The following PICALM variants were observed in gnomAD, a reference collection of about 807,000 sequenced individuals.
PICALM encodes the protein phosphatidylinositol binding clathrin assembly protein.
Under a neutral mutation model 80.5 loss-of-function variants are expected in PICALM, and 40 were observed. The ratio of observed to expected loss-of-function variants is 0.50; its 90% CI spans 0.39 to 0.65. The LOEUF (loss-of-function observed/expected upper bound fraction) is 0.65. PICALM is among the 30% of genes least tolerant of loss of function. The pLI, the probability that PICALM is intolerant of heterozygous loss-of-function variation, is 0.00. For synonymous variants in PICALM, 288 were observed against 260.3 expected (o/e 1.11, Z -1.02); for missense variants, 676 against 778.9 (o/e 0.87, Z 1.57).
At chr11:86,065,380 T>G (rs932600624) in intron 1 of PICALM, among the ~76,000 whole-genome samples, 3 of 151,918 alleles carry the variant, frequency 2.0e-5, no homozygotes, top group Non-Finnish European at 4.4e-5. Flanking sequence ...GAGGCAGAGG[T>G]TGCAGTGAGC....
At chr11:85,969,045 G>T (rs1040202027) in intron 19 of PICALM, among the ~76,000 whole-genome samples, 3 of 150,988 alleles carry the variant, frequency 2.0e-5, no homozygotes, top group African/African-American at 7.3e-5. Context: ...AAGCTACAGC[G>T]CAGTCTACTG....
chr11:86,029,198 C>T (rs565797642), intron 2 of PICALM, among the ~76,000 whole-genome samples: 2 of 152,076 alleles, frequency 1.3e-5, no homozygotes, highest in East Asian at 3.9e-4. Flanking sequence ...TACTATATAC[C>T]AGCAGCATCC....
chr11:85,989,912 T>G (rs1162858114), intron 13 of PICALM, among the ~76,000 whole-genome samples: 1 of 151,470 alleles, frequency 6.6e-6, no homozygotes, highest in Non-Finnish European at 1.5e-5. Flanking sequence ...TTAAGTGATG[T>G]TACTTTTCAA....
At position 85,974,590 on chromosome 11, in the gene PICALM, C is replaced by T. The variant is rs956207646; in HGVS notation, c.1944+118G>A. On this transcript the variant is annotated intron_variant, in intron 19 of 19. Transcript: ENST00000393346. ...AAGAAAGATATGAAGCAAGCAATATCCATAATGAAGGTAGAAAGTGCTAGT... is the reference window on the plus strand; with the variant it reads ...AAGAAAGATATGAAGCAAGCAATATTCATAATGAAGGTAGAAAGTGCTAGT... 2.3e-5 allele frequency: 17 copies of T among 752,048 alleles called. 1 individual carries two copies. In the East Asian group the frequency reaches 4.2e-4, roughly 19 times the overall value. 46.6% of individuals were successfully genotyped at this position (752,048 alleles called of 1,614,324 possible).
intron 2 of PICALM, among the ~76,000 whole-genome samples, chr11:86,028,209 A>C (rs1224113325): frequency 6.6e-6 from 1 of 152,302 alleles, no homozygotes; most frequent in African/African-American, 2.4e-5. Flanking sequence ...ATGGTATTAA[A>C]TTGAGCACCA....
At chr11:86,004,260 T>C (rs1336498218) in intron 8 of PICALM, among the ~76,000 whole-genome samples, 1 of 152,178 alleles carries the variant, frequency 6.6e-6, no homozygotes, top group Non-Finnish European at 1.5e-5. Flanking sequence ...TAATGGTATA[T>C]TCAACAACAT....
chr11:85,992,393 T>C (rs1443291716), intron 12 of PICALM, among the ~76,000 whole-genome samples: 1 of 151,890 alleles, frequency 6.6e-6, no homozygotes, highest in Non-Finnish European at 1.5e-5. Flanking sequence ...CAAGCAATTC[T>C]CCTGCCTCAA....
intron 8 of PICALM, among the ~76,000 whole-genome samples, chr11:86,004,460 G>A (rs1196505388): frequency 1.3e-5 from 2 of 152,032 alleles, no homozygotes; most frequent in Non-Finnish European, 1.5e-5. Context: ...CTTGAATGAT[G>A]TGTTGGTTAC....
At chr11:86,023,634 C>T in intron 3 of PICALM, 1 of 905,070 alleles carries the variant, frequency 1.1e-6, no homozygotes, top group South Asian at 5.1e-5. Context: ...TAATAAGACA[C>T]AAAAAACCTA....
intron 1 of PICALM, among the ~76,000 whole-genome samples, chr11:86,052,103 C>A (rs1437714106): frequency 6.6e-6 from 1 of 152,122 alleles, no homozygotes; most frequent in Non-Finnish European, 1.5e-5. Context: ...GTAATAATAC[C>A]CATGTGAAGG....
chr11:86,002,339 C>T (rs1486800728), intron 9 of PICALM, among the ~76,000 whole-genome samples: 1 of 152,012 alleles, frequency 6.6e-6, no homozygotes, highest in African/African-American at 2.4e-5. Flanking sequence ...TCTGAAACAA[C>T]CAGAAAGTCT....
chr11:86,043,141 T>G (rs539332008), intron 1 of PICALM, among the ~76,000 whole-genome samples: 9 of 152,186 alleles, frequency 5.9e-5, no homozygotes, highest in Non-Finnish European at 1.2e-4. Flanking sequence ...ATAAGCACAC[T>G]AATAAAAGTT....
At chr11:86,057,599 G>A (rs1353632278) in intron 1 of PICALM, among the ~76,000 whole-genome samples, 2 of 151,898 alleles carry the variant, frequency 1.3e-5, no homozygotes, top group African/African-American at 2.4e-5. Context: ...GTGTGTGTGT[G>A]TGTATGTACA....
At chr11:85,986,186 C>G (rs2094565309) in intron 13 of PICALM, among the ~76,000 whole-genome samples, 1 of 151,912 alleles carries the variant, frequency 6.6e-6, no homozygotes, top group South Asian at 2.1e-4. Flanking sequence ...TTAATATTTG[C>G]TTAAAGTCAC....
rs59672357 is a variant in PICALM at position 85,982,423 on chromosome 11, C to CTTTTTTTTTTTTTTTTTTTTTT, written c.1517-421_1517-420insAAAAAAAAAAAAAAAAAAAAAA. On this transcript the variant is annotated intron_variant, in intron 14 of 19. Coordinates refer to ENST00000393346, the MANE Select transcript of PICALM (RefSeq NM_007166.4). ...ACGTTAAGAAATAAGATTTTATAGACTTTTTTTTTTTTTTTGAGACGGAGT... is the reference window on the plus strand; with the variant it reads ...ACGTTAAGAAATAAGATTTTATAGACTTTTTTTTTTTTTTTTTTTTTTTTTTTTTTTTTTTTTGAGACGGAGT... Among the ~76,000 whole-genome samples the CTTTTTTTTTTTTTTTTTTTTTT allele has an allele frequency of 1.7e-4, 12 of 70,168 alleles. 3 individuals are homozygous for CTTTTTTTTTTTTTTTTTTTTTT. The highest frequency in any genetic ancestry group is 6.5e-4 in the African/African-American group (10 of 15,468). The allele number at this position is 70,168 out of a possible 152,430, so 46.0% of individuals were successfully genotyped here.
At chr11:86,015,301 G>C (rs2095463635) in intron 4 of PICALM, among the ~76,000 whole-genome samples, 1 of 152,148 alleles carries the variant, frequency 6.6e-6, no homozygotes, top group Non-Finnish European at 1.5e-5. Context: ...GGTGTGTAAA[G>C]AGCAGTTTTA....
intron 19 of PICALM, among the ~76,000 whole-genome samples, chr11:85,961,628 G>C (rs917209291): frequency 6.6e-5 from 10 of 152,088 alleles, no homozygotes; most frequent in African/African-American, 2.4e-4. Flanking sequence ...TTTCAAACCC[G>C]ACATGAACCT....
intron 4 of PICALM, among the ~76,000 whole-genome samples, chr11:86,021,098 A>G (rs2095555028): frequency 6.6e-6 from 1 of 152,164 alleles, no homozygotes; most frequent in African/African-American, 2.4e-5. Flanking sequence ...CTATAATCTC[A>G]ACACTGTGGG....
chr11:85,996,601 TTTTATC>T lies in PICALM; in HGVS notation c.1258+219_1258+224del, dbSNP rs545562013. 6.8e-3 allele frequency among the ~76,000 whole-genome samples: 1,043 copies of T among 152,332 alleles called. 6 individuals are homozygous for T. The highest frequency in any genetic ancestry group is 0.015 in the South Asian group (74 of 4,828). On this transcript the variant is annotated intron_variant, in intron 12 of 19. Transcript: ENST00000393346. ...ACTTGGTCCTTCCTCTTACATTTAGTTTTATCTTTATTAAATGTCATTTCATAATTT... is the reference window on the plus strand; with the variant it reads ...ACTTGGTCCTTCCTCTTACATTTAGTTTTATTAAATGTCATTTCATAATTT...
Sources: allele counts gnomAD v4.1 joint callset (sites outside exome capture counted in the v4.1 genomes callset), GRCh38; gene constraint gnomAD v4.1.1; transcripts MANE v1.5; gene names NCBI Gene and HGNC (gene_info 2026-07-23, HGNC 2026-07-21).